Variants in INPP5F observed in about 807,000 individuals in gnomAD.
INPP5F encodes the protein inositol polyphosphate-5-phosphatase F.
In INPP5F, 97 loss-of-function variants were observed where a neutral mutation model predicts 137.2. That is an observed-to-expected ratio of 0.71 (90% CI 0.60 to 0.84). The LOEUF (loss-of-function observed/expected upper bound fraction) is 0.84. Among genes scored for constraint, INPP5F ranks in the 40% least tolerant of loss-of-function variants. INPP5F has a pLI of 0.00. For missense variants in INPP5F, 1,271 were observed against 1,371.9 expected, an observed-to-expected ratio of 0.93 and a Z score of 1.16; for synonymous variants, 504 against 476.9, an observed-to-expected ratio of 1.06 and a Z score of -0.74.
chr10:119,805,588 A>G (rs777615290), intron 11 of INPP5F, 127 bp downstream of exon 11: 1 of 672,346 alleles, frequency 1.5e-6, no homozygotes. Context: ...CCCAGTTCCT[A>G]TTCTTTTCAA....
chr10:119,823,412 C>A (rs1393269042), intron 18 of INPP5F, among the ~76,000 whole-genome samples: 1 of 152,168 alleles, frequency 6.6e-6, no homozygotes, highest in African/African-American at 2.4e-5. Flanking sequence ...GCAAGGGAAT[C>A]TTTAGCGGGG....
chr10:119,801,018 A>G (rs1463748837), intron 9 of INPP5F, among the ~76,000 whole-genome samples: 2 of 152,040 alleles, frequency 1.3e-5, no homozygotes, highest in Non-Finnish European at 2.9e-5. Flanking sequence ...TAGAACTGTA[A>G]TAGAAAAAAT....
intron 1 of INPP5F, among the ~76,000 whole-genome samples, chr10:119,747,690 T>G (rs1848577634): frequency 6.6e-6 from 1 of 152,184 alleles, no homozygotes; most frequent in African/African-American, 2.4e-5. Flanking sequence ...CCAAAAGCTA[T>G]TAATTAGAGA....
Position 119,826,667 on chromosome 10 carries a change from C to G in INPP5F, c.2286C>G (p.Ile762Met). ...AACCTCACGAAGACATCATTGGTAT[C>G]AGGTCTCAAAACCAAGGTTCTTTGG... ...SSKPHEDIIGIRSQNQGSLAQ... is the reference protein window; with the variant it reads ...SSKPHEDIIGMRSQNQGSLAQ... Residue 762 changes from isoleucine to methionine, a missense_variant, in exon 20 of 20, where the codon ATC becomes ATG. By Grantham distance (10) the Ile-to-Met change is conservative. Coordinates refer to ENST00000650623, the MANE Select transcript of INPP5F (RefSeq NM_014937.4). The G allele has an allele frequency of 6.2e-7, 1 of 1,603,890 alleles. No individual in the cohort carries two copies. Among genetic ancestry groups the G allele is most frequent in the Non-Finnish European group, 8.5e-7 (1 of 1,177,324 alleles).
intron 1 of INPP5F, among the ~76,000 whole-genome samples, chr10:119,739,821 T>A (rs189731415): frequency 6.6e-6 from 1 of 152,208 alleles, no homozygotes; most frequent in East Asian, 1.9e-4. Context: ...TGTTTTGCCA[T>A]GTTGCCCAGA....
At chr10:119,754,457 G>A (rs971038645) in intron 2 of INPP5F, among the ~76,000 whole-genome samples, 18 of 152,166 alleles carry the variant, frequency 1.2e-4, no homozygotes, top group African/African-American at 3.9e-4. Context: ...TTGATAGGCA[G>A]TGAGAATACC....
intron 2 of INPP5F, among the ~76,000 whole-genome samples, chr10:119,765,413 A>T (rs1564815804): frequency 6.6e-6 from 1 of 151,716 alleles, no homozygotes; most frequent in Non-Finnish European, 1.5e-5. Context: ...GCTTTGTCAC[A>T]CAGGCTGGAG....
chr10:119,805,355 T>C (rs1187581653), intron 10 of INPP5F, 29 bp from the exon 11 acceptor site: 1 of 1,566,326 alleles, frequency 6.4e-7, no homozygotes, highest in South Asian at 1.1e-5. Context: ...AAATTAAAGA[T>C]TTTTTCTTTC....
chr10:119,755,363 C>T (rs1848811266), intron 2 of INPP5F, among the ~76,000 whole-genome samples: 1 of 152,204 alleles, frequency 6.6e-6, no homozygotes, highest in African/African-American at 2.4e-5. Flanking sequence ...GTGGTCTTCC[C>T]TCTGTAACTG....
chr10:119,745,430 T>G (rs1270568210), intron 1 of INPP5F, among the ~76,000 whole-genome samples: 1 of 151,946 alleles, frequency 6.6e-6, no homozygotes, highest in Non-Finnish European at 1.5e-5. Flanking sequence ...GTAACCCAAG[T>G]GGGTTTCTTA....
At chr10:119,789,547 A>C (rs1259515967) in intron 3 of INPP5F, among the ~76,000 whole-genome samples, 1 of 151,998 alleles carries the variant, frequency 6.6e-6, no homozygotes, top group Non-Finnish European at 1.5e-5. Context: ...TGAAAGCTCC[A>C]ATGGCAGCTA....
chr10:119,797,040 T>C (rs1850409901), intron 7 of INPP5F, 127 bp downstream of exon 7: 1 of 896,610 alleles, frequency 1.1e-6, no homozygotes, highest in African/African-American at 1.7e-5. Flanking sequence ...GCTTGGGGAC[T>C]CTAAATACTG....
intron 1 of INPP5F, among the ~76,000 whole-genome samples, chr10:119,728,224 G>GGAA (rs1329476520): frequency 6.6e-6 from 1 of 152,210 alleles, no homozygotes; most frequent in African/African-American, 2.4e-5. Flanking sequence ...TCTGGAGGAA[G>GGAA]GAAGAGGCCA....
rs1369555783 is a variant in INPP5F, at chr10:119,798,554, A to G, written c.1060A>G (p.Thr354Ala). ...TCACTTCTTTGTAGGTGAAAAGGAA[A>G]CTGTTGCCTATTTCTGTGCCCATTT... Reference protein sequence around the residue: ...RPRLDRSEKETVAYFCAHFEE... With the variant: ...RPRLDRSEKEAVAYFCAHFEE... Residue 354 changes from threonine to alanine, a missense_variant, in exon 9 of 20, where the codon ACT becomes GCT. By Grantham distance (58) the Thr-to-Ala change is moderately conservative. Around this residue, in one of 6 missense-constraint regions of INPP5F, gnomAD observed 593 missense variants for 712.4 expected, o/e 0.83. Transcript: ENST00000650623. The G allele has an allele frequency of 6.2e-7, 1 of 1,612,138 alleles. No individual in the cohort carries two copies. The highest frequency in any genetic ancestry group is 1.3e-5 in the African/African-American group (1 of 74,988).
chr10:119,827,857 A>C lies in INPP5F; in HGVS notation c.*77A>C. 4 of 1,064,752 alleles carry C rather than the reference A, an allele frequency of 3.8e-6. No individual in the cohort carries two copies. The South Asian group carries it at 6.2e-5, about 16-fold the overall frequency. The allele number at this position is 1,064,752 out of a possible 1,614,324, so 66.0% of individuals were successfully genotyped here. A position where few individuals can be genotyped will look rare whatever the true frequency, so the allele number is the denominator to read the frequency against. On this transcript the variant is annotated 3_prime_UTR_variant, in exon 20 of 20. Coordinates refer to ENST00000650623, the MANE Select transcript of INPP5F (RefSeq NM_014937.4). ...TCACCTCTTGGGGTATTTTAATTGT[A>C]CTGTCTGAACCCAGGGATCACAAAT...
At chr10:119,739,579 A>G (rs1848314917) in intron 1 of INPP5F, among the ~76,000 whole-genome samples, 1 of 152,224 alleles carries the variant, frequency 6.6e-6, no homozygotes, top group Admixed American at 6.5e-5. Context: ...AAATAGCCAT[A>G]GAATTAAATA....
chr10:119,740,326 T>C (rs1848337342), intron 1 of INPP5F, among the ~76,000 whole-genome samples: 1 of 152,162 alleles, frequency 6.6e-6, no homozygotes, highest in Non-Finnish European at 1.5e-5. Flanking sequence ...GACCAGAATT[T>C]GGTTGTTGGG....
intron 2 of INPP5F, among the ~76,000 whole-genome samples, chr10:119,752,087 G>A (rs1357968816): frequency 6.6e-6 from 1 of 152,088 alleles, no homozygotes; most frequent in Non-Finnish European, 1.5e-5. Context: ...ATAATATTAA[G>A]CATTTGGGAG....
chr10:119,797,487 G>GATAA lies in INPP5F; in HGVS notation c.897_900dup (p.Asn301Ter), dbSNP rs1380553146. On this transcript the variant is annotated frameshift_variant, in exon 8 of 20. Transcript: ENST00000650623. LOFTEE classifies it high-confidence loss of function. Reference sequence around the variant, plus strand: ...AATGCGCTATAAACGAAGAGGAGTGGATAAAAATGGAAATGTTGCCAATTA... The same window carrying GATAA: ...AATGCGCTATAAACGAAGAGGAGTGGATAAATAAAAATGGAAATGTTGCCAATTA... 1 of 1,610,874 alleles carries GATAA rather than the reference G, an allele frequency of 6.2e-7. No homozygotes were observed. The highest frequency in any genetic ancestry group is 8.5e-7 in the Non-Finnish European group (1 of 1,178,392).
Sources: allele counts gnomAD v4.1 joint callset (sites outside exome capture counted in the v4.1 genomes callset), GRCh38; gene constraint gnomAD v4.1.1; regional missense constraint gnomAD v4.1.1; transcripts MANE v1.5; gene names NCBI Gene and HGNC (gene_info 2026-07-23, HGNC 2026-07-21).